The following ITGAE variants were observed in gnomAD, a reference collection of about 807,000 sequenced individuals.
ITGAE encodes integrin subunit alpha E, also known as integrin alpha-E.
Under a neutral mutation model 136.5 loss-of-function variants are expected in ITGAE, and 99 were observed. The ratio of observed to expected loss-of-function variants is 0.73; its 90% CI spans 0.62 to 0.86. The LOEUF (loss-of-function observed/expected upper bound fraction) is 0.86, where lower values mean the gene tolerates loss of function less well. Among genes scored for constraint, ITGAE ranks in the 40% least tolerant of loss-of-function variants. The pLI, the probability that ITGAE is intolerant of heterozygous loss-of-function variation, is 0.00. For synonymous variants in ITGAE, 613 were observed against 591.8 expected (o/e 1.04, Z -0.52); for missense variants, 1,447 against 1,515.3 (o/e 0.95, Z 0.75).
At chr17:3,723,975 C>G in intron 26 of ITGAE, 2 of 1,577,318 alleles carry the variant, frequency 1.3e-6, no homozygotes, top group Non-Finnish European at 1.7e-6. Flanking sequence ...CCGGCTTTTC[C>G]GCACATATGG....
In ITGAE at chr17:3,779,961, A is replaced by G. The variant is rs1477231192; in HGVS notation, c.35-2301T>C. On this transcript the variant is annotated intron_variant, in intron 1 of 30. Transcript: ENST00000263087. ...ATCCTTGTTTTAAGAGTATATCATC[A>G]TCTTGTTCCAAAATTATTATTATTT... Among the ~76,000 whole-genome samples the G allele has an allele frequency of 4.6e-5, 7 of 151,838 alleles. No individual in the cohort carries two copies. In the East Asian group the frequency reaches 1.2e-3, roughly 25 times the overall value.
intron 26 of ITGAE, chr17:3,726,134 G>T: frequency 6.2e-7 from 1 of 1,614,120 alleles, no homozygotes; most frequent in Non-Finnish European, 8.5e-7. Context: ...ACAACCGCTG[G>T]GGTGAATATC....
chr17:3,757,039 G>T lies in ITGAE; in HGVS notation c.1116C>A (p.Tyr372Ter). 1 of 1,614,238 alleles carries T rather than the reference G, an allele frequency of 6.2e-7. No homozygotes were observed. The highest frequency in any genetic ancestry group is 1.1e-5 in the South Asian group (1 of 91,090). The change falls in exon 10 of 31, where the codon TAC (tyrosine) becomes TAA (stop). Residue 372 changes from tyrosine to a stop codon, truncating the protein, a stop_gained. Transcript: ENST00000263087. LOFTEE classifies it high-confidence loss of function. ...TGCTCAGCAGCCCATCCAGCGCCAT[G>T]TAGTTGGTCACCTTGAAAGCATGGG... ...DETHAFKVTN[Y>*]MALDGLLSKL...
At chr17:3,726,105 C>T (rs1034799064) in intron 26 of ITGAE, 1 of 1,614,152 alleles carries the variant, frequency 6.2e-7, no homozygotes, top group Non-Finnish European at 8.5e-7. Context: ...CATCTACAGG[C>T]TCATGAAGAA....
chr17:3,740,158 G>A (rs1002440289), intron 19 of ITGAE, among the ~76,000 whole-genome samples: 2 of 152,214 alleles, frequency 1.3e-5, no homozygotes, highest in Non-Finnish European at 2.9e-5. Flanking sequence ...GGAATGTTAG[G>A]GGTGCCCATG....
intron 1 of ITGAE, among the ~76,000 whole-genome samples, chr17:3,779,779 C>A (rs1282331651): frequency 6.6e-6 from 1 of 152,082 alleles, no homozygotes; most frequent in African/African-American, 2.4e-5. Context: ...TTCAACTTTT[C>A]TATATATTTG....
At chr17:3,724,848 C>T in intron 26 of ITGAE, 1 of 1,614,096 alleles carries the variant, frequency 6.2e-7, no homozygotes, top group Non-Finnish European at 8.5e-7. Context: ...AGAGAGAGGG[C>T]TTCAAGAGGC....
chr17:3,720,381 G>C lies in ITGAE; in HGVS notation c.3259C>G (p.Leu1087Val), dbSNP rs1196960851. The C allele has an allele frequency of 6.4e-7, 1 of 1,552,886 alleles. No individual in the cohort carries two copies. Among genetic ancestry groups the C allele is most frequent in the South Asian group, 1.1e-5 (1 of 89,764 alleles). ...SEELLKDVTE[L>V]QILGEISFNK... ...AAAGATATTTCACCAAGGATCTGCAGTTCAGTTACATCTTTTAGTAACTAG... is the reference window on the plus strand; with the variant it reads ...AAAGATATTTCACCAAGGATCTGCACTTCAGTTACATCTTTTAGTAACTAG... Residue 1087 changes from leucine to valine, a missense_variant, in exon 29 of 31, where the codon CTG (leucine) becomes GTG (valine). Physicochemically the swap from Leu to Val is conservative, Grantham distance 32 (BLOSUM62 1). Transcript: ENST00000263087.
In ITGAE at chr17:3,739,756, C is replaced by T. The variant is rs113759307; in HGVS notation, c.2522+49G>A. 1.5e-4 allele frequency: 221 copies of T among 1,511,812 alleles called. 1 individual carries two copies. The African/African-American group carries it at 1.9e-3, about 13-fold the overall frequency. 93.6% of individuals were successfully genotyped at this position (1,511,812 alleles called of 1,614,324 possible). ...CTAATGAAGGAATTGCCCAGGCAAG[C>T]GTTCGGGAGAAGGTTAATCGAGGAA... On this transcript the variant is annotated intron_variant, in intron 20 of 30. Coordinates refer to ENST00000263087, the MANE Select transcript of ITGAE (RefSeq NM_002208.5).
rs1015390170 is a variant in ITGAE, at chr17:3,798,778, G to T, written c.34+2333C>A. ...AACCTCTGAGACCCAGGATGGAGAA[G>T]TGAGTTGATGTGACTGCAGAATGAG... On this transcript the variant is annotated intron_variant, in intron 1 of 30. Transcript: ENST00000263087. The surrounding 1 kb of genome is among the most constrained non-coding windows in gnomAD (Gnocchi z 4.3). Among the ~76,000 whole-genome samples, 1 of 152,234 alleles carries T rather than the reference G, an allele frequency of 6.6e-6. No homozygotes were observed. Among genetic ancestry groups the T allele is most frequent in the Admixed American group, 6.5e-5 (1 of 15,282 alleles).
At chr17:3,767,626 G>A (rs1002268037) in intron 2 of ITGAE, among the ~76,000 whole-genome samples, 2 of 152,040 alleles carry the variant, frequency 1.3e-5, no homozygotes, top group African/African-American at 2.4e-5. Context: ...TTATTTTGTG[G>A]GGTTTGTTTG....
chr17:3,790,807 C>T lies in ITGAE; in HGVS notation c.34+10304G>A, dbSNP rs562555708. ...TCCAGACGGAGAGCCACAGCAACCG[C>T]ATGTCATGTGCGGACCTTGTTTGGA... On this transcript the variant is annotated intron_variant, in intron 1 of 30. Coordinates refer to ENST00000263087, the MANE Select transcript of ITGAE (RefSeq NM_002208.5). 2.0e-5 allele frequency among the ~76,000 whole-genome samples: 3 copies of T among 152,246 alleles called. No individual in the cohort carries two copies. The South Asian group carries it at 6.2e-4, about 32-fold the overall frequency.
At chr17:3,756,959 G>A (rs1005922821) in intron 10 of ITGAE, 25 bp downstream of exon 10, 4 of 1,597,956 alleles carry the variant, frequency 2.5e-6, no homozygotes, top group Non-Finnish European at 3.4e-6. Context: ...GCCTCCTGCG[G>A]TGGCCTGGGT....
intron 2 of ITGAE, among the ~76,000 whole-genome samples, chr17:3,774,077 A>G (rs1013492635): frequency 1.3e-5 from 2 of 152,204 alleles, no homozygotes; most frequent in Non-Finnish European, 2.9e-5. Flanking sequence ...CCCAGGGCCT[A>G]TGAGGCTGCT....
chr17:3,720,940 T>C (rs189808583), intron 28 of ITGAE, among the ~76,000 whole-genome samples: 13 of 152,184 alleles, frequency 8.5e-5, no homozygotes, highest in Admixed American at 7.2e-4. Flanking sequence ...CTGACTGACT[T>C]ATTTTTGAGA....
intron 28 of ITGAE, 103 bp from the exon 29 acceptor site, chr17:3,720,505 G>A (rs1480570323): frequency 7.7e-6 from 5 of 645,744 alleles, no homozygotes; most frequent in East Asian, 2.8e-5. Context: ...GGTATTCCTG[G>A]GCTTAGTTAA....
rs1053277030 is a variant in ITGAE, at chr17:3,799,936, T to C, written c.34+1175A>G. Among the ~76,000 whole-genome samples, 1 of 152,034 alleles carries C rather than the reference T, an allele frequency of 6.6e-6. No individual in the cohort carries two copies. The highest frequency in any genetic ancestry group is 2.4e-5 in the African/African-American group (1 of 41,392). On this transcript the variant is annotated intron_variant, in intron 1 of 30. Transcript: ENST00000263087. The surrounding 1 kb of genome is among the most constrained non-coding windows in gnomAD (Gnocchi z 4.1). ...GGGCAGGAGACCAGCCTGACCAATA[T>C]GGTGAGACCCTGTCTCTACTAAAAA...
At chr17:3,753,569 G>A (rs1402493684) in intron 13 of ITGAE, 139 bp from the exon 14 acceptor site, 31 of 1,190,460 alleles carry the variant, frequency 2.6e-5, no homozygotes, top group Non-Finnish European at 3.6e-5. Context: ...AGTAACAGAA[G>A]AGTGGAGGAG....
intron 1 of ITGAE, among the ~76,000 whole-genome samples, chr17:3,788,064 G>A (rs2052842085): frequency 6.6e-6 from 1 of 152,064 alleles, no homozygotes; most frequent in Non-Finnish European, 1.5e-5. Flanking sequence ...TTTGTGAAAT[G>A]TCCTTTTTCT....
Sources: gnomAD v4.1 joint callset for allele counts (sites outside exome capture counted in the v4.1 genomes callset) on GRCh38, gnomAD v4.1.1 for gene constraint, Gnocchi (gnomAD v3.1) non-coding constraint, MANE v1.5 for transcripts, NCBI Gene and HGNC (gene_info 2026-07-23, HGNC 2026-07-21) for gene names.